ESRRG: variants seen among roughly 807,000 people sequenced by gnomAD.
ESRRG encodes the protein estrogen related receptor gamma.
ESRRG carries 13 observed loss-of-function variants against 44.0 expected under a neutral mutation model. The observed-to-expected ratio is 0.30, with a 90% CI of 0.19 to 0.47. ESRRG has a LOEUF of 0.47. Among genes scored for constraint, ESRRG ranks in the 20% least tolerant of loss-of-function variants. The pLI, the probability that ESRRG is intolerant of heterozygous loss-of-function variation, is 1.00. For synonymous variants in ESRRG, 215 were observed against 214.6 expected, an observed-to-expected ratio of 1.00 and a Z score of -0.02; for missense variants, 395 against 580.6, an observed-to-expected ratio of 0.68 and a Z score of 3.29.
chr1:216,971,518 A>G (rs1488801156), intron 1 of ESRRG, among the ~76,000 whole-genome samples: 3 of 152,222 alleles, frequency 2.0e-5, no homozygotes, highest in Non-Finnish European at 2.9e-5. Context: ...TGAAACAGTT[A>G]CCAAAATGCC....
chr1:216,840,042 C>A (rs2095627108), intron 2 of ESRRG, among the ~76,000 whole-genome samples: 1 of 152,144 alleles, frequency 6.6e-6, no homozygotes, highest in African/African-American at 2.4e-5. Context: ...TCAGCTTGTT[C>A]TTTGTAGCTT....
intron 2 of ESRRG, among the ~76,000 whole-genome samples, chr1:216,883,343 C>T (rs2096473663): frequency 7.3e-6 from 1 of 137,248 alleles, no homozygotes; most frequent in Non-Finnish European, 1.5e-5. Context: ...CGAGATCTAG[C>T]CATTGCACTC....
At chr1:216,555,914 G>C (rs2149441378) in intron 5 of ESRRG, among the ~76,000 whole-genome samples, 1 of 152,152 alleles carries the variant, frequency 6.6e-6, no homozygotes, top group East Asian at 1.9e-4. Context: ...GGGACGCAGG[G>C]GAAAAAGTGC....
chr1:216,637,455 T>G (rs924357844), intron 3 of ESRRG, among the ~76,000 whole-genome samples: 2 of 152,152 alleles, frequency 1.3e-5, no homozygotes, highest in African/African-American at 4.8e-5. Context: ...AAAATAAAGG[T>G]CTCCTTGCTC....
rs1243197865 is a variant in ESRRG at position 216,503,425 on chromosome 1, A to G, written c.*3514T>C. 6.6e-6 allele frequency: 1 copy of G among 152,546 alleles called. No individual in the cohort carries two copies. The highest frequency in any genetic ancestry group is 6.5e-5 in the Admixed American group (1 of 15,270). 9.4% of individuals were successfully genotyped at this position (152,546 alleles called of 1,614,324 possible). On this transcript the variant is annotated 3_prime_UTR_variant, in exon 7 of 7. Coordinates refer to ENST00000408911, the MANE Select transcript of ESRRG (RefSeq NM_001438.4). ...CAAATGGACATTTGCTGGAGCACAC[A>G]GTATGGTACACATCACAAAAATATA... is the stretch of plus-strand genomic sequence containing the variant.
intron 6 of ESRRG, among the ~76,000 whole-genome samples, chr1:216,509,353 G>A (rs1007267216): frequency 7.9e-5 from 12 of 152,104 alleles, no homozygotes; most frequent in African/African-American, 2.2e-4. Flanking sequence ...TTGATAAGAG[G>A]CAAAACTAAT....
intron 5 of ESRRG, among the ~76,000 whole-genome samples, chr1:216,551,219 T>C (rs2056236050): frequency 6.6e-6 from 1 of 152,200 alleles, no homozygotes; most frequent in African/African-American, 2.4e-5. Flanking sequence ...ATAGCAGTGT[T>C]AGTAAAGCTT....
chr1:217,134,985 C>T (rs968449207), intron 1 of ESRRG, among the ~76,000 whole-genome samples: 8 of 152,232 alleles, frequency 5.3e-5, no homozygotes, highest in African/African-American at 1.7e-4. Flanking sequence ...ACTCTATTTC[C>T]GGCTAGTCCC....
chr1:216,969,297 C>T (rs1416778118), intron 1 of ESRRG, among the ~76,000 whole-genome samples: 1 of 151,914 alleles, frequency 6.6e-6, no homozygotes, highest in Non-Finnish European at 1.5e-5. Flanking sequence ...GAGAGATATT[C>T]TTTAAGTATT....
chr1:216,799,802 A>G (rs2094565572), intron 2 of ESRRG, among the ~76,000 whole-genome samples: 1 of 152,186 alleles, frequency 6.6e-6, no homozygotes, highest in African/African-American at 2.4e-5. Context: ...AAAGCAAAAC[A>G]GAAACATTCC....
intron 3 of ESRRG, among the ~76,000 whole-genome samples, chr1:216,623,906 A>T (rs2062723337): frequency 6.6e-6 from 1 of 152,094 alleles, no homozygotes; most frequent in African/African-American, 2.4e-5. Flanking sequence ...TATTGATTGC[A>T]CTCAAGGGCA....
intron 1 of ESRRG, among the ~76,000 whole-genome samples, chr1:217,063,561 G>T (rs1412932626): frequency 6.6e-6 from 1 of 152,138 alleles, no homozygotes; most frequent in Non-Finnish European, 1.5e-5. Flanking sequence ...TATAAACTGG[G>T]ATAGTGAGTT....
chr1:217,131,667 G>A (rs1453221160), intron 1 of ESRRG, among the ~76,000 whole-genome samples: 1 of 152,178 alleles, frequency 6.6e-6, no homozygotes, highest in Non-Finnish European at 1.5e-5. Flanking sequence ...CGTATTCAGT[G>A]GTCAACTTCT....
At chr1:216,694,913 C>CTCAT (rs1367507035) in intron 1 of ESRRG, among the ~76,000 whole-genome samples, 1 of 152,158 alleles carries the variant, frequency 6.6e-6, no homozygotes, top group Non-Finnish European at 1.5e-5. Flanking sequence ...CATGTATTCA[C>CTCAT]TCATTCATTC....
At chr1:217,024,222 G>A (rs1011682127) in intron 1 of ESRRG, among the ~76,000 whole-genome samples, 7 of 152,090 alleles carry the variant, frequency 4.6e-5, no homozygotes, top group African/African-American at 1.7e-4. Context: ...GCCGGGCATG[G>A]TGGTGGGTGC....
intron 3 of ESRRG, among the ~76,000 whole-genome samples, chr1:216,625,048 C>G (rs1039877692): frequency 6.6e-6 from 1 of 152,112 alleles, no homozygotes; most frequent in Non-Finnish European, 1.5e-5. Flanking sequence ...TCATAACAGA[C>G]TCTGTCAGAT....
Position 216,817,394 on chromosome 1 carries a change from G to A in ESRRG, c.-14+122188C>T, listed in dbSNP as rs924448551. On this transcript the variant is annotated intron_variant, in intron 2 of 7. Transcript: ENST00000359162. ...AACTCCAGGAAAAATAATAAAGGTA[G>A]AAAAGATTAAGAGGCAAGCATATCT... is the stretch of plus-strand genomic sequence containing the variant. Among the ~76,000 whole-genome samples, 181 of 152,262 alleles carry A rather than the reference G, an allele frequency of 1.2e-3. 4 individuals are homozygous for A. The highest frequency in any genetic ancestry group is 9.8e-3 in the Admixed American group (150 of 15,288).
intron 5 of ESRRG, among the ~76,000 whole-genome samples, chr1:216,534,629 T>C (rs12097500): frequency 0.083 from 12,636 of 152,192 alleles, 590 homozygotes; most frequent in Middle Eastern, 0.12. Flanking sequence ...AATGTAGGAG[T>C]TCATGTAGCC....
chr1:216,976,252 T>C (rs1382426955), intron 1 of ESRRG, among the ~76,000 whole-genome samples: 4 of 151,710 alleles, frequency 2.6e-5, no homozygotes, highest in African/African-American at 9.7e-5. Context: ...CATATAAGCA[T>C]AACCCAGCAC....
Sources: gnomAD v4.1 joint callset for allele counts (sites outside exome capture counted in the v4.1 genomes callset) on GRCh38, gnomAD v4.1.1 for gene constraint, MANE v1.5 for transcripts, NCBI Gene and HGNC (gene_info 2026-07-23, HGNC 2026-07-21) for gene names.